POLA1: variants seen among roughly 807,000 people sequenced by gnomAD.
POLA1 encodes DNA polymerase alpha 1, catalytic subunit, also known as DNA polymerase alpha catalytic subunit.
Under a neutral mutation model 124.0 loss-of-function variants are expected in POLA1, and 15 were observed. That is an observed-to-expected ratio of 0.12 (90% CI 0.08 to 0.19). The LOEUF is 0.19. Among genes scored for constraint, POLA1 ranks in the 10% least tolerant of loss-of-function variants. The pLI, the probability that POLA1 is intolerant of heterozygous loss-of-function variation, is 1.00. For synonymous variants in POLA1, 408 were observed against 389.4 expected, an observed-to-expected ratio of 1.05 and a Z score of -0.56; for missense variants, 886 against 1,103.4, an observed-to-expected ratio of 0.80 and a Z score of 2.79.
At chrX:24,991,203 C>T (rs1324413354) in intron 36 of POLA1, among the ~76,000 whole-genome samples, 1 of 109,457 alleles carries the variant, frequency 9.1e-6, no homozygotes, top group Non-Finnish European at 1.9e-5. Context: ...ACCTCCCCCC[C>T]CACACCCACC....
At chrX:24,872,209 C>G (rs986898340) in intron 34 of POLA1, among the ~76,000 whole-genome samples, 3 of 111,574 alleles carry the variant, frequency 2.7e-5, no homozygotes, top group African/African-American at 9.8e-5. Flanking sequence ...GAAACTATCA[C>G]AGACAAAAAA....
chrX:24,910,913 C>G (rs888554791), intron 35 of POLA1, among the ~76,000 whole-genome samples: 1 of 112,285 alleles, frequency 8.9e-6, no homozygotes, highest in Non-Finnish European at 1.9e-5. Flanking sequence ...TGCTCTCCAA[C>G]AATAACACCA....
At chrX:24,910,948 G>A (rs2047440545) in intron 35 of POLA1, among the ~76,000 whole-genome samples, 1 of 111,710 alleles carries the variant, frequency 9.0e-6, no homozygotes, top group Non-Finnish European at 1.9e-5. Flanking sequence ...AAGTGTACAT[G>A]GAACATTCAA....
intron 4 of POLA1, among the ~76,000 whole-genome samples, chrX:24,709,442 AC>A (rs1359761014): frequency 7.9e-5 from 5 of 63,163 alleles, no homozygotes; most frequent in Non-Finnish European, 1.6e-4. Context: ...CGGGGGGCTG[AC>A]CCCCCCACCT....
rs1244559090 is a variant in POLA1, at chrX:24,714,542, A to G, written c.347-12A>G. 26 of 1,075,253 alleles carry G rather than the reference A, an allele frequency of 2.4e-5. No homozygotes were observed. Among genetic ancestry groups the G allele is most frequent in the African/African-American group, 3.7e-5 (2 of 54,439 alleles). The allele number at this position is 1,075,253 out of a possible 1,213,427, so 88.6% of individuals were successfully genotyped here. On this transcript the variant is annotated splice_polypyrimidine_tract_variant and intron_variant, in intron 4 of 36. Coordinates refer to ENST00000379068, the MANE Select transcript of POLA1 (RefSeq NM_001330360.2). ...GCTGATGCATGTTTCTAAATAATTC[A>G]TATTCCAATAGGAAAAGATGGTAAA... is the stretch of plus-strand genomic sequence containing the variant.
At chrX:24,968,687 A>G (rs1163528953) in intron 36 of POLA1, among the ~76,000 whole-genome samples, 4 of 94,708 alleles carry the variant, frequency 4.2e-5, no homozygotes, top group African/African-American at 8.1e-5. Context: ...TGGGCGACAG[A>G]GCGAGACTCC....
intron 10 of POLA1, among the ~76,000 whole-genome samples, chrX:24,718,983 G>A (rs1930027783): frequency 8.9e-6 from 1 of 111,948 alleles, no homozygotes; most frequent in South Asian, 3.8e-4. Context: ...GAGGCTGTTC[G>A]GTATTCTTTT....
chrX:24,798,336 G>A (rs1481810520), intron 26 of POLA1, among the ~76,000 whole-genome samples: 3 of 110,685 alleles, frequency 2.7e-5, no homozygotes, highest in African/African-American at 9.9e-5. Context: ...TGAACTGTGT[G>A]AGTCCACCTA....
intron 35 of POLA1, among the ~76,000 whole-genome samples, chrX:24,904,017 C>A (rs1177874179): frequency 9.3e-6 from 1 of 107,170 alleles, no homozygotes; most frequent in African/African-American, 3.4e-5. Flanking sequence ...ACCCTGCAGC[C>A]TCAATCTCCT....
intron 36 of POLA1, among the ~76,000 whole-genome samples, chrX:24,986,070 G>A (rs1052003106): frequency 1.3e-4 from 14 of 111,773 alleles, no homozygotes; most frequent in African/African-American, 4.6e-4. Flanking sequence ...TACTCAGGAG[G>A]CTGAGGCAGG....
intron 35 of POLA1, among the ~76,000 whole-genome samples, chrX:24,921,659 C>T (rs375991909): frequency 3.6e-5 from 4 of 112,131 alleles, no homozygotes; most frequent in Admixed American, 9.5e-5. Flanking sequence ...ACTTACCCTA[C>T]GTTTCCATAT....
Position 24,699,405 on chromosome X carries a change from A to C in POLA1, c.44-20A>C. 8.8e-7 allele frequency: 1 copy of C among 1,134,291 alleles called. No homozygotes were observed. Among genetic ancestry groups the C allele is most frequent in the Admixed American group, 2.8e-5 (1 of 35,957 alleles). The allele number at this position is 1,134,291 out of a possible 1,213,427, so 93.5% of individuals were successfully genotyped here. ...TGACAATTTTGTAACATCTGTTGTA[A>C]ATTTTTTTTCTTTTTTCAGCTCTGT... On this transcript the variant is annotated intron_variant, in intron 1 of 36. Transcript: ENST00000379068.
chrX:24,957,536 A>G (rs1478989036), intron 36 of POLA1, among the ~76,000 whole-genome samples: 6 of 111,747 alleles, frequency 5.4e-5, no homozygotes, highest in Non-Finnish European at 7.5e-5. Flanking sequence ...TTATGGATGA[A>G]TATCCGCACT....
At chrX:24,991,619 T>G (rs1371026043) in intron 36 of POLA1, among the ~76,000 whole-genome samples, 10 of 112,604 alleles carry the variant, frequency 8.9e-5, no homozygotes, top group African/African-American at 2.9e-4. Context: ...CCTGTGTTTA[T>G]TGAACATGAA....
At position 24,826,601 on chromosome X, in the gene POLA1, G is replaced by A; in HGVS notation, c.3736G>A (p.Gly1246Arg). 2 of 1,179,631 alleles carry A rather than the reference G, an allele frequency of 1.7e-6. No homozygotes were observed. Among genetic ancestry groups the A allele is most frequent in the Admixed American group, 2.3e-5 (1 of 44,441 alleles). The change falls in exon 32 of 37, where the codon GGA becomes AGA. Residue 1246 changes from glycine (G) to arginine (R), a missense_variant and splice_region_variant. Transcript: ENST00000379068. The stretch of plus-strand genomic sequence containing the variant: ...TGCTGTCCTCATTGCAACGTGGTTG[G>A]GTAAGTGTCCCAAGCTCACATAGAA... ...IDAVLIATWL[G>R]LDPTQFRVHH...
At chrX:24,742,280 T>A (rs1248605515) in intron 22 of POLA1, among the ~76,000 whole-genome samples, 159 bp downstream of exon 22, 1 of 110,623 alleles carries the variant, frequency 9.0e-6, no homozygotes, top group Non-Finnish European at 1.9e-5. Context: ...TGTTTTTGTG[T>A]GGTCATTTCC....
At chrX:24,927,355 T>TA (rs2047709178) in intron 35 of POLA1, among the ~76,000 whole-genome samples, 1 of 111,963 alleles carries the variant, frequency 8.9e-6, no homozygotes, top group Admixed American at 9.5e-5. Context: ...AAAGAACACA[T>TA]AAAAAACGGT....
chrX:24,959,884 T>C (rs2048150277), intron 36 of POLA1, among the ~76,000 whole-genome samples: 1 of 111,650 alleles, frequency 9.0e-6, no homozygotes, highest in Non-Finnish European at 1.9e-5. Flanking sequence ...ATTATATTAT[T>C]ATATTTCTAC....
At chrX:24,911,950 A>G (rs1365664341) in intron 35 of POLA1, among the ~76,000 whole-genome samples, 1 of 112,443 alleles carries the variant, frequency 8.9e-6, no homozygotes, top group Non-Finnish European at 1.9e-5. Flanking sequence ...AGCAAAAGAG[A>G]ATAACATTGG....
Sources: gnomAD v4.1 joint callset for allele counts (sites outside exome capture counted in the v4.1 genomes callset) on GRCh38, gnomAD v4.1.1 for gene constraint, MANE v1.5 for transcripts, NCBI Gene and HGNC (gene_info 2026-07-23, HGNC 2026-07-21) for gene names.